The following SMAGP variants were observed in gnomAD, a reference collection of about 807,000 sequenced individuals.
The protein encoded by SMAGP is small cell transmembrane and glycosylated protein.
In SMAGP, 7 loss-of-function variants were observed where a neutral mutation model predicts 10.1. That is an observed-to-expected ratio of 0.70 (90% CI 0.40 to 1.31). The LOEUF (loss-of-function observed/expected upper bound fraction) is 1.31. SMAGP is among the 50% of genes most tolerant of loss of function. The pLI, the probability that SMAGP is intolerant of heterozygous loss-of-function variation, is 0.01. For missense variants in SMAGP, 113 were observed against 116.5 expected (o/e 0.97, Z 0.14); for synonymous variants, 49 against 47.2 (o/e 1.04, Z -0.16).
chr12:51,270,065 C>G (rs999376264), intron 1 of SMAGP, 191 bp downstream of exon 1: 2 of 151,748 alleles, frequency 1.3e-5, no homozygotes, highest in Admixed American at 1.3e-4. Context: ...TTACCAGCAC[C>G]CCGCGGAGCG....
chr12:51,246,220 CTT>C (rs1329296915), intron 3 of SMAGP, 101 bp from the exon 4 acceptor site: 5 of 1,506,950 alleles, frequency 3.3e-6, no homozygotes, highest in East Asian at 4.6e-5. Flanking sequence ...TAAAGATCCT[CTT>C]GTTTTCATTA....
intron 2 of SMAGP, among the ~76,000 whole-genome samples, chr12:51,248,326 G>C (rs1944799559): frequency 6.6e-6 from 1 of 151,372 alleles, no homozygotes; most frequent in African/African-American, 2.4e-5. Flanking sequence ...CTTTCTCTCT[G>C]GTCCCCTCTT....
intron 2 of SMAGP, among the ~76,000 whole-genome samples, chr12:51,257,978 C>G (rs1229738317): frequency 6.6e-6 from 1 of 151,972 alleles, no homozygotes; most frequent in African/African-American, 2.4e-5. Flanking sequence ...ATAGTGAGAC[C>G]TCCATCTCTA....
chr12:51,257,270 G>A (rs1286215421), intron 2 of SMAGP, among the ~76,000 whole-genome samples: 1 of 152,178 alleles, frequency 6.6e-6, no homozygotes, highest in Non-Finnish European at 1.5e-5. Context: ...AGAGGGGCTG[G>A]GGGGCTGGCT....
chr12:51,265,541 G>C (rs1031926570), intron 2 of SMAGP, among the ~76,000 whole-genome samples: 1 of 152,184 alleles, frequency 6.6e-6, no homozygotes, highest in African/African-American at 2.4e-5. Flanking sequence ...CCTTGAAAAA[G>C]TAGGAAATTG....
chr12:51,246,689 C>A (rs1281951923), intron 3 of SMAGP, 62 bp downstream of exon 3: 1 of 1,343,528 alleles, frequency 7.4e-7, no homozygotes, highest in Non-Finnish European at 1.0e-6. Flanking sequence ...TGGTCAGGCT[C>A]CCTCTGGAGA....
chr12:51,254,955 G>A (rs867808311), intron 2 of SMAGP, among the ~76,000 whole-genome samples: 3 of 152,224 alleles, frequency 2.0e-5, no homozygotes, highest in Admixed American at 6.5e-5. Flanking sequence ...TGTAGGCCAA[G>A]GTAAGGGCTT....
chr12:51,262,588 C>T (rs932645536), intron 2 of SMAGP, among the ~76,000 whole-genome samples: 3 of 152,118 alleles, frequency 2.0e-5, no homozygotes, highest in Non-Finnish European at 4.4e-5. Context: ...CCGTTTCTAC[C>T]CCATTTTTTT....
chr12:51,259,842 T>C (rs1944916558), intron 2 of SMAGP, among the ~76,000 whole-genome samples: 1 of 152,056 alleles, frequency 6.6e-6, no homozygotes, highest in Non-Finnish European at 1.5e-5. Flanking sequence ...GCCTCCTGAG[T>C]AGCTGGGATT....
At chr12:51,249,618 T>TA (rs1944816613) in intron 2 of SMAGP, among the ~76,000 whole-genome samples, 1 of 151,510 alleles carries the variant, frequency 6.6e-6, no homozygotes, top group Non-Finnish European at 1.5e-5. Context: ...CTAGAACAGT[T>TA]ATACATTTTT....
chr12:51,248,914 A>C (rs1243853893), intron 2 of SMAGP, among the ~76,000 whole-genome samples: 36 of 41,238 alleles, frequency 8.7e-4, no homozygotes, highest in African/African-American at 1.8e-3. Context: ...AAAAAAAAAA[A>C]AAAAAAAAAA....
intron 2 of SMAGP, among the ~76,000 whole-genome samples, chr12:51,247,149 C>T (rs1944784350): frequency 6.6e-6 from 1 of 152,174 alleles, no homozygotes; most frequent in Non-Finnish European, 1.5e-5. Context: ...TACCTAACCT[C>T]TATCTGCAAA....
At chr12:51,264,952 GAGAA>G (rs1183329569) in intron 2 of SMAGP, among the ~76,000 whole-genome samples, 84 of 141,252 alleles carry the variant, frequency 5.9e-4, no homozygotes, top group East Asian at 1.4e-3. Flanking sequence ...AAAAAAAAAA[GAGAA>G]AGAGAGAGAG....
chr12:51,269,198 T>C (rs1945003920), intron 2 of SMAGP, 47 bp downstream of exon 2: 7 of 1,608,478 alleles, frequency 4.4e-6, no homozygotes, highest in Non-Finnish European at 6.0e-6. Flanking sequence ...GGGAAGGGGA[T>C]GTTGAACAAT....
At chr12:51,248,584 C>T (rs1002583367) in intron 2 of SMAGP, among the ~76,000 whole-genome samples, 1 of 152,120 alleles carries the variant, frequency 6.6e-6, no homozygotes, top group African/African-American at 2.4e-5. Flanking sequence ...AGCATCTCTC[C>T]AGCCTTCTCC....
rs540626685 is a variant in SMAGP, at chr12:51,246,819, G to A, written c.47C>T (p.Thr16Ile). 3.8e-6 allele frequency: 6 copies of A among 1,577,762 alleles called. No individual in the cohort carries two copies. The South Asian group carries it at 7.0e-5, about 18-fold the overall frequency. ...TTPSPREELM[T>I]TPILQPTEAL... is the part of the protein sequence containing the mutation. The stretch of plus-strand genomic sequence containing the variant: ...CTCAGTGGGCTGTAAAATTGGGGTG[G>A]TCATCAGTTCTTCTGGAAAATGTAG... Residue 16 changes from threonine (T) to isoleucine (I), a missense_variant, in exon 3 of 4, where the codon ACC becomes ATC. By Grantham distance (89) the Thr-to-Ile change is moderately conservative (BLOSUM62 -1). Coordinates refer to ENST00000603798, the MANE Select transcript of SMAGP (RefSeq NM_001031628.2).
chr12:51,264,512 G>C (rs1038580713), intron 2 of SMAGP, among the ~76,000 whole-genome samples: 52 of 152,114 alleles, frequency 3.4e-4, no homozygotes, highest in African/African-American at 1.0e-3. Flanking sequence ...TGCAGTCCCA[G>C]CTGCTCAGGA....
chr12:51,259,736 C>G lies in SMAGP; in HGVS notation c.34+9509G>C, dbSNP rs558965846. Among the ~76,000 whole-genome samples the G allele has an allele frequency of 3.3e-5, 5 of 152,186 alleles. No homozygotes were observed. In the East Asian group the frequency reaches 9.7e-4, roughly 29 times the overall value. The stretch of plus-strand genomic sequence containing the variant: ...AATTTTCTTCTTTTTTTCTTAGAGA[C>G]AGGGTCTTGTTCTGTCACCCAGGCT... On this transcript the variant is annotated intron_variant, in intron 2 of 3. Coordinates refer to ENST00000603798, the MANE Select transcript of SMAGP (RefSeq NM_001031628.2).
chr12:51,263,339 C>T (rs1944945770), intron 2 of SMAGP, among the ~76,000 whole-genome samples: 2 of 151,062 alleles, frequency 1.3e-5, no homozygotes, highest in South Asian at 2.1e-4. Flanking sequence ...GCCGAGATTG[C>T]ACCACTACAC....
Sources: allele counts gnomAD v4.1 joint callset (sites outside exome capture counted in the v4.1 genomes callset), GRCh38; gene constraint gnomAD v4.1.1; transcripts MANE v1.5; gene names NCBI Gene and HGNC (gene_info 2026-07-23, HGNC 2026-07-21).